ARHGEF3: variants seen among roughly 807,000 people sequenced by gnomAD.
ARHGEF3 encodes the protein Rho guanine nucleotide exchange factor 3.
A neutral mutation model predicts 63.2 loss-of-function variants in ARHGEF3; 28 were observed. That is an observed-to-expected ratio of 0.44 (90% CI 0.33 to 0.61). The LOEUF (loss-of-function observed/expected upper bound fraction) is 0.61. Ranked by LOEUF, ARHGEF3 falls within the 20% of genes least tolerant of loss-of-function variation. The pLI, the probability that ARHGEF3 is intolerant of heterozygous loss-of-function variation, is 0.03. For missense variants in ARHGEF3, 533 were observed against 659.3 expected (o/e 0.81, Z 2.10); for synonymous variants, 266 against 254.2 (o/e 1.05, Z -0.44).
chr3:56,775,588 C>G (rs977245551), intron 1 of ARHGEF3: 2 of 985,790 alleles, frequency 2.0e-6, no homozygotes, highest in African/African-American at 1.7e-5. Context: ...GAGGATGAAT[C>G]TCCCAAGATG....
intron 3 of ARHGEF3, among the ~76,000 whole-genome samples, chr3:56,901,585 AT>A (rs35046019): frequency 1.7e-3 from 234 of 141,390 alleles, no homozygotes; most frequent in African/African-American, 3.1e-3. Flanking sequence ...TCTGGTTGTA[AT>A]TTTTTTTTTT....
At chr3:56,968,266 TATA>T (rs1700734693) in intron 2 of ARHGEF3, among the ~76,000 whole-genome samples, 1 of 41,724 alleles carries the variant, frequency 2.4e-5, no homozygotes, top group Non-Finnish European at 4.9e-5. Context: ...TATTTAAATA[TATA>T]ATATATAAAA....
chr3:56,870,715 A>G (rs2040407101), intron 4 of ARHGEF3, among the ~76,000 whole-genome samples: 1 of 152,158 alleles, frequency 6.6e-6, no homozygotes. Flanking sequence ...CTATGTATAC[A>G]TCGACTTGGG....
At chr3:56,764,889 TG>T (rs1224468886) in intron 2 of ARHGEF3, among the ~76,000 whole-genome samples, 1 of 151,948 alleles carries the variant, frequency 6.6e-6, no homozygotes, top group Non-Finnish European at 1.5e-5. Context: ...CCTGAGTAGC[TG>T]GGATTACAGG....
Position 56,737,228 on chromosome 3 carries a change from C to T in ARHGEF3, c.998G>A (p.Arg333Gln), listed in dbSNP as rs199497986. The T allele has an allele frequency of 4.1e-4, 656 of 1,614,010 alleles. 2 individuals carry two copies. Among genetic ancestry groups the T allele is most frequent in the Non-Finnish European group, 9.7e-5 (115 of 1,180,010 alleles). The change falls in exon 8 of 10, where the codon CGA becomes CAA. Residue 333 changes from arginine (R) to glutamine (Q), a missense_variant. Around this residue, in one of 4 missense-constraint regions of ARHGEF3, gnomAD observed 151 missense variants for 190.7 expected, o/e 0.79. Transcript: ENST00000296315. ...GQKDSLIDSS[R>Q]VLCCHGELKN... Reference sequence around the variant, plus strand: ...CAGTTCACCATGACAACACAAGACTCGAGAGCTGTCGATCAGGGAGTCTTT... The same window carrying T: ...CAGTTCACCATGACAACACAAGACTTGAGAGCTGTCGATCAGGGAGTCTTT...
chr3:57,022,249 G>A (rs1218253879), intron 2 of ARHGEF3, among the ~76,000 whole-genome samples: 1 of 152,176 alleles, frequency 6.6e-6, no homozygotes, highest in Non-Finnish European at 1.5e-5. Context: ...ACTCCAGCCT[G>A]GGTAACAGAC....
chr3:57,065,404 TA>T (rs1705472505), intron 1 of ARHGEF3, among the ~76,000 whole-genome samples: 1 of 151,630 alleles, frequency 6.6e-6, no homozygotes, highest in Non-Finnish European at 1.5e-5. Context: ...GAGGTTGCAG[TA>T]AGCTGAGATT....
intron 1 of ARHGEF3, among the ~76,000 whole-genome samples, chr3:56,792,992 GTTT>G (rs1050235313): frequency 1.4e-4 from 18 of 131,426 alleles, no homozygotes; most frequent in African/African-American, 3.5e-4. Flanking sequence ...ACGGCATTGG[GTTT>G]TTTTTTTTTT....
At chr3:56,849,563 T>A (rs891002324) in intron 4 of ARHGEF3, among the ~76,000 whole-genome samples, 1 of 152,080 alleles carries the variant, frequency 6.6e-6, no homozygotes, top group African/African-American at 2.4e-5. Context: ...AAAAGCTAAA[T>A]GTTAGCTGCT....
intron 2 of ARHGEF3, among the ~76,000 whole-genome samples, chr3:56,758,246 ACTC>A (rs1161601782): frequency 2.0e-5 from 3 of 150,136 alleles, no homozygotes; most frequent in Non-Finnish European, 4.4e-5. Flanking sequence ...GCGCCACTGT[ACTC>A]CAGCCTGGGC....
rs762777744 is a variant in ARHGEF3, at chr3:56,755,107, G to T, written c.249C>A (p.Ala83=). 18 of 1,613,876 alleles carry T rather than the reference G, an allele frequency of 1.1e-5. No homozygotes were observed. Among genetic ancestry groups the T allele is most frequent in the Non-Finnish European group, 1.4e-5 (17 of 1,180,036 alleles). ...CGGCATTTCTGGACCAGGGTCGGGGGGCGAGGATGTCAGGGCGGCTCTCAC... is the reference window on the plus strand; with the variant it reads ...CGGCATTTCTGGACCAGGGTCGGGGTGCGAGGATGTCAGGGCGGCTCTCAC... ...FRSESRPDIL[A]PRPWSRNAAP... The change falls in exon 3 of 10, where the codon GCC becomes GCA. Residue 83 remains alanine (A), a synonymous_variant. Transcript: ENST00000296315.
At chr3:56,778,470 G>C (rs2036390505) in intron 1 of ARHGEF3, among the ~76,000 whole-genome samples, 1 of 152,174 alleles carries the variant, frequency 6.6e-6, no homozygotes, top group African/African-American at 2.4e-5. Context: ...AAATAAATAA[G>C]TGTGGCTATA....
chr3:57,050,911 C>A (rs1009040416), intron 1 of ARHGEF3, among the ~76,000 whole-genome samples: 1 of 152,210 alleles, frequency 6.6e-6, no homozygotes, highest in Admixed American at 6.5e-5. Flanking sequence ...CAGCATCCTT[C>A]CCTATTAGCA....
intron 1 of ARHGEF3, among the ~76,000 whole-genome samples, chr3:57,077,635 TTAA>T (rs2107434832): frequency 1.3e-5 from 2 of 152,250 alleles, no homozygotes; most frequent in South Asian, 4.2e-4. Context: ...CCCTGGACCC[TTAA>T]ATAGACTCCC....
At chr3:57,018,915 A>G (rs1418236840) in intron 2 of ARHGEF3, among the ~76,000 whole-genome samples, 2 of 152,216 alleles carry the variant, frequency 1.3e-5, no homozygotes, top group African/African-American at 4.8e-5. Flanking sequence ...GAAGCCAAGA[A>G]TGTCAGATTC....
chr3:57,035,842 G>A (rs1162922225), intron 1 of ARHGEF3, among the ~76,000 whole-genome samples: 2 of 152,312 alleles, frequency 1.3e-5, no homozygotes, highest in South Asian at 2.1e-4. Context: ...AAGCAACAAG[G>A]TAGAAACCAC....
At chr3:56,948,507 G>A (rs866694985) in intron 3 of ARHGEF3, among the ~76,000 whole-genome samples, 27 of 152,220 alleles carry the variant, frequency 1.8e-4, no homozygotes, top group East Asian at 1.4e-3. Flanking sequence ...ACACCTCTAC[G>A]CAAATAAACT....
chr3:56,934,703 G>A (rs1053429695), intron 3 of ARHGEF3, among the ~76,000 whole-genome samples: 2 of 152,228 alleles, frequency 1.3e-5, no homozygotes, highest in Non-Finnish European at 2.9e-5. Flanking sequence ...GCCCTCCCAC[G>A]GGGCAGGGCT....
chr3:56,891,235 C>T (rs1317393548), intron 3 of ARHGEF3, among the ~76,000 whole-genome samples: 3 of 151,142 alleles, frequency 2.0e-5, no homozygotes, highest in African/African-American at 7.3e-5. Context: ...GCAGGCTGGT[C>T]TCAAACTTCT....
Sources: gnomAD v4.1 joint callset for allele counts (sites outside exome capture counted in the v4.1 genomes callset) on GRCh38, gnomAD v4.1.1 for gene constraint, gnomAD v4.1.1 regional missense constraint, MANE v1.5 for transcripts, NCBI Gene and HGNC (gene_info 2026-07-23, HGNC 2026-07-21) for gene names.